CTNNA2: variants seen among roughly 807,000 people sequenced by gnomAD.
CTNNA2 encodes catenin alpha 2.
A neutral mutation model predicts 101.0 loss-of-function variants in CTNNA2; 42 were observed. That is an observed-to-expected ratio of 0.42 (90% CI 0.32 to 0.54). CTNNA2 has a LOEUF of 0.54. CTNNA2 is among the 20% of genes least tolerant of loss of function. The pLI is 0.14. For missense variants in CTNNA2, 871 were observed against 1,223.1 expected (o/e 0.71, Z 4.29); for synonymous variants, 450 against 456.4 (o/e 0.99, Z 0.18).
intron 3 of CTNNA2, among the ~76,000 whole-genome samples, chr2:79,839,800 G>A (rs1679665917): frequency 6.6e-6 from 1 of 151,808 alleles, no homozygotes; most frequent in Non-Finnish European, 1.5e-5. Flanking sequence ...TTCTAGTTCT[G>A]TAAATATTTT....
intron 4 of CTNNA2, among the ~76,000 whole-genome samples, chr2:79,504,313 G>A (rs1322156163): frequency 2.0e-5 from 3 of 151,130 alleles, no homozygotes; most frequent in South Asian, 4.2e-4. Flanking sequence ...TTGTTTTGAC[G>A]GAATCTTGCT....
At chr2:79,265,919 G>T (rs181141946) in intron 2 of CTNNA2, among the ~76,000 whole-genome samples, 6 of 152,234 alleles carry the variant, frequency 3.9e-5, no homozygotes, top group African/African-American at 1.4e-4. Flanking sequence ...CATAGACAAA[G>T]AATATTGTTT....
chr2:79,219,198 TCA>T (rs1674308562), intron 2 of CTNNA2, among the ~76,000 whole-genome samples: 1 of 152,240 alleles, frequency 6.6e-6, no homozygotes, highest in African/African-American at 2.4e-5. Context: ...ATCATTTATA[TCA>T]CAATTTAGAT....
intron 9 of CTNNA2, among the ~76,000 whole-genome samples, chr2:80,429,181 C>T (rs977984421): frequency 6.6e-6 from 1 of 152,112 alleles, no homozygotes. Flanking sequence ...TTCTATAATA[C>T]ACAATAAAGC....
At chr2:79,646,412 C>A (rs1390691422) in intron 1 of CTNNA2, among the ~76,000 whole-genome samples, 1 of 152,062 alleles carries the variant, frequency 6.6e-6, no homozygotes, top group Non-Finnish European at 1.5e-5. Flanking sequence ...AGCATCCTGG[C>A]CTGTGCCTCT....
At chr2:79,579,172 TTTCC>T (rs772672942) in intron 1 of CTNNA2, among the ~76,000 whole-genome samples, 38 of 150,180 alleles carry the variant, frequency 2.5e-4, no homozygotes, top group Middle Eastern at 3.4e-3. Flanking sequence ...TTTTTCTTAA[TTTCC>T]TTCCTTCCTT....
rs560236216 is a variant in CTNNA2 at position 79,635,763 on chromosome 2, C to G, written c.-5-15789C>G. On this transcript the variant is annotated intron_variant, in intron 1 of 18. Coordinates refer to ENST00000402739, the MANE Select transcript of CTNNA2 (RefSeq NM_001282597.3). Reference sequence around the variant, plus strand: ...AGGTGATCTGCCTGCCTCGGCCTCCCTAAGTGCTGGGATTACAGGCATGAG... The same window carrying G: ...AGGTGATCTGCCTGCCTCGGCCTCCGTAAGTGCTGGGATTACAGGCATGAG... Among the ~76,000 whole-genome samples the G allele has an allele frequency of 8.6e-5, 13 of 151,472 alleles. No homozygotes were observed. In the South Asian group the frequency reaches 1.9e-3, roughly 22 times the overall value.
intron 3 of CTNNA2, among the ~76,000 whole-genome samples, chr2:79,819,239 A>G (rs558820223): frequency 1.3e-3 from 200 of 152,122 alleles, no homozygotes; most frequent in African/African-American, 4.5e-3. Flanking sequence ...TTGGCCTCCC[A>G]AAGTGCTGGG....
At chr2:80,590,624 G>A (rs1289894695) in intron 15 of CTNNA2, among the ~76,000 whole-genome samples, 1 of 152,052 alleles carries the variant, frequency 6.6e-6, no homozygotes, top group Non-Finnish European at 1.5e-5. Flanking sequence ...ATTTAATATG[G>A]AACATCTCTG....
In CTNNA2 at chr2:80,073,688, G is replaced by A. The variant is rs73940934; in HGVS notation, c.1056+163891G>A. Among the ~76,000 whole-genome samples, 743 of 150,982 alleles carry A rather than the reference G, an allele frequency of 4.9e-3. 5 individuals carry two copies. The highest frequency in any genetic ancestry group is 0.017 in the African/African-American group (679 of 41,128). ...AGAACCCAAGTGCCAGTGTGCAGGCGCTCTCTGGTTTGTTCATAAAACAAA... is the reference window on the plus strand; with the variant it reads ...AGAACCCAAGTGCCAGTGTGCAGGCACTCTCTGGTTTGTTCATAAAACAAA... On this transcript the variant is annotated intron_variant, in intron 7 of 18. Coordinates refer to ENST00000402739, the MANE Select transcript of CTNNA2 (RefSeq NM_001282597.3).
At chr2:79,311,326 G>A (rs1558619862) in intron 2 of CTNNA2, among the ~76,000 whole-genome samples, 1 of 148,972 alleles carries the variant, frequency 6.7e-6, no homozygotes, top group African/African-American at 2.5e-5. Context: ...GGAGAATGGC[G>A]TGAACCCGGG....
At chr2:79,509,377 G>C (rs1252731403), upstream of CTNNA2, among the ~76,000 whole-genome samples, 30 of 152,100 alleles carry the variant, frequency 2.0e-4, no homozygotes, top group Admixed American at 2.0e-3. Context: ...ACCTTCTGTA[G>C]GTGAGTGGAT....
At chr2:80,113,110 G>A (rs1031187590) in intron 7 of CTNNA2, among the ~76,000 whole-genome samples, 1 of 152,138 alleles carries the variant, frequency 6.6e-6, no homozygotes. Context: ...GGCGAGGAGT[G>A]TACCACATTT....
At chr2:79,724,618 A>G (rs552535560) in intron 2 of CTNNA2, among the ~76,000 whole-genome samples, 693 of 152,120 alleles carry the variant, frequency 4.6e-3, no homozygotes, top group Non-Finnish European at 6.9e-3. Flanking sequence ...GATCAAGACC[A>G]TCCTGGCTAA....
chr2:80,531,697 C>T (rs1030188217), intron 9 of CTNNA2, among the ~76,000 whole-genome samples: 2 of 152,166 alleles, frequency 1.3e-5, no homozygotes, highest in Non-Finnish European at 1.5e-5. Flanking sequence ...GAACTTTGTG[C>T]TTTAAGGAGA....
chr2:80,173,268 A>G (rs767542346), intron 7 of CTNNA2, among the ~76,000 whole-genome samples: 1 of 152,208 alleles, frequency 6.6e-6, no homozygotes, highest in Non-Finnish European at 1.5e-5. Flanking sequence ...AGCACTCAGT[A>G]AACACTTATT....
chr2:80,009,865 A>T (rs1693648118), intron 7 of CTNNA2, among the ~76,000 whole-genome samples: 2 of 152,094 alleles, frequency 1.3e-5, no homozygotes, highest in Non-Finnish European at 2.9e-5. Context: ...GAAACATTTT[A>T]TAAAAGAGAT....
intron 17 of CTNNA2, among the ~76,000 whole-genome samples, chr2:80,617,997 C>T (rs981368986): frequency 6.6e-6 from 1 of 151,582 alleles, no homozygotes; most frequent in Admixed American, 6.6e-5. Context: ...AGATGAAGGC[C>T]TTTTATGTGG....
intron 7 of CTNNA2, among the ~76,000 whole-genome samples, chr2:79,946,910 C>T (rs1688533735): frequency 6.6e-6 from 1 of 152,182 alleles, no homozygotes; most frequent in African/African-American, 2.4e-5. Context: ...TGGAAGAGAC[C>T]AGTCTCCAAG....
Sources: allele counts gnomAD v4.1 joint callset (sites outside exome capture counted in the v4.1 genomes callset), GRCh38; gene constraint gnomAD v4.1.1; transcripts MANE v1.5; gene names NCBI Gene and HGNC (gene_info 2026-07-23, HGNC 2026-07-21).